Variants in CREB5 observed in about 807,000 individuals in gnomAD.
CREB5 encodes cyclic AMP-responsive element-binding protein 5.
CREB5 carries 19 observed loss-of-function variants against 57.1 expected under a neutral mutation model. The ratio of observed to expected loss-of-function variants is 0.33; its 90% CI spans 0.23 to 0.49. The LOEUF is 0.49. CREB5 is among the 20% of genes least tolerant of loss of function. The pLI is 0.99. For missense variants in CREB5, 579 were observed against 671.6 expected, an observed-to-expected ratio of 0.86 and a Z score of 1.52; for synonymous variants, 238 against 238.3, an observed-to-expected ratio of 1.00 and a Z score of 0.01.
At chr7:28,686,203 T>G (rs1317787491) in intron 5 of CREB5, 2 of 1,606,306 alleles carry the variant, frequency 1.2e-6, no homozygotes, top group South Asian at 2.2e-5. Context: ...ATGAGGTTTG[T>G]TTTTAATTTT....
chr7:28,530,137 A>G (rs1228035007), intron 4 of CREB5, among the ~76,000 whole-genome samples: 2 of 152,236 alleles, frequency 1.3e-5, no homozygotes, highest in Admixed American at 6.5e-5. Context: ...GCAGTGGTGA[A>G]TAGAACAGGA....
chr7:28,299,707 T>A (rs1785067232), intron 1 of CREB5, among the ~76,000 whole-genome samples: 1 of 152,238 alleles, frequency 6.6e-6, no homozygotes. Flanking sequence ...CCTTAGGAAG[T>A]GTTATTCACT....
At chr7:28,808,220 C>T (rs1378906716) in intron 8 of CREB5, among the ~76,000 whole-genome samples, 6 of 152,184 alleles carry the variant, frequency 3.9e-5, no homozygotes, top group Non-Finnish European at 5.9e-5. Flanking sequence ...CCCTGGTGAG[C>T]GCTCTGAGGG....
chr7:28,365,387 C>G (rs1280275265), intron 1 of CREB5, among the ~76,000 whole-genome samples: 1 of 152,170 alleles, frequency 6.6e-6, no homozygotes, highest in Non-Finnish European at 1.5e-5. Context: ...ATCCCACACC[C>G]TCACCTTTGC....
chr7:28,674,147 A>T (rs970222114), intron 5 of CREB5, among the ~76,000 whole-genome samples: 4 of 152,090 alleles, frequency 2.6e-5, no homozygotes, highest in African/African-American at 9.7e-5. Flanking sequence ...TCTTGCCTGC[A>T]AATAAGATCT....
chr7:28,557,194 A>C (rs1794913694), intron 4 of CREB5, among the ~76,000 whole-genome samples: 2 of 128,458 alleles, frequency 1.6e-5, no homozygotes, highest in African/African-American at 2.8e-5. Context: ...TCTAATTGAA[A>C]TTGTGCTTTT....
At chr7:28,623,927 A>AT (rs1241378821) in intron 5 of CREB5, among the ~76,000 whole-genome samples, 11 of 152,272 alleles carry the variant, frequency 7.2e-5, no homozygotes, top group Middle Eastern at 3.4e-3. Context: ...TGTAACAGAG[A>AT]TTTTCTCTAA....
At chr7:28,420,557 A>G (rs189972755) in intron 1 of CREB5, among the ~76,000 whole-genome samples, 46 of 152,346 alleles carry the variant, frequency 3.0e-4, no homozygotes, top group Admixed American at 1.5e-3. Context: ...CTGTAATCCC[A>G]GCACTTTGGG....
intron 7 of CREB5, among the ~76,000 whole-genome samples, chr7:28,735,312 A>G (rs1803910943): frequency 6.6e-6 from 1 of 152,180 alleles, no homozygotes; most frequent in African/African-American, 2.4e-5. Context: ...TCTAACCAAG[A>G]CTTTGATTAT....
rs146957834 is a variant in CREB5, at chr7:28,631,118, C to T, written c.464+60581C>T. Among the ~76,000 whole-genome samples the T allele has an allele frequency of 9.4e-4, 143 of 152,284 alleles. 1 individual carries two copies. In the South Asian group the frequency reaches 0.013, roughly 14 times the overall value. ...GTACGGAAACTTTTCAATACCGACC[C>T]GCTCTGAGTGTATCTTGGTCAGGGC... On this transcript the variant is annotated intron_variant, in intron 5 of 10. Transcript: ENST00000357727.
intron 1 of CREB5, among the ~76,000 whole-genome samples, chr7:28,382,082 G>T (rs1216736049): frequency 3.3e-5 from 5 of 152,298 alleles, no homozygotes; most frequent in African/African-American, 1.2e-4. Context: ...GAGCCCAGGG[G>T]CCACTGGTTG....
intron 5 of CREB5, among the ~76,000 whole-genome samples, chr7:28,587,021 T>G (rs558457636): frequency 1.3e-5 from 2 of 152,340 alleles, no homozygotes; most frequent in East Asian, 3.9e-4. Context: ...AGTCTCTTGC[T>G]ATGTGACCAA....
intron 1 of CREB5, among the ~76,000 whole-genome samples, chr7:28,377,404 A>ATATATATCTGTTTG (rs1301232142): frequency 6.6e-6 from 1 of 151,964 alleles, no homozygotes; most frequent in Admixed American, 6.6e-5. Flanking sequence ...ATTAAAATTA[A>ATATATATCTGTTTG]TTTCATCTGT....
chr7:28,479,529 G>A (rs575353579), intron 1 of CREB5, among the ~76,000 whole-genome samples: 1 of 152,286 alleles, frequency 6.6e-6, no homozygotes, highest in Non-Finnish European at 1.5e-5. Flanking sequence ...TGGCCTTTAA[G>A]TGACCTCCTA....
In CREB5 at chr7:28,774,510, TATTCTG is replaced by T. The variant is rs1434919523; in HGVS notation, c.703-29687_703-29682del. On this transcript the variant is annotated intron_variant, in intron 7 of 10. Coordinates refer to ENST00000357727, the MANE Select transcript of CREB5 (RefSeq NM_182898.4). ...CTGCATTTACAGTATGGACATTTGTTATTCTGAGACTGACTGTTGCCATATGGTATT... is the reference window on the plus strand; with the variant it reads ...CTGCATTTACAGTATGGACATTTGTTAGACTGACTGTTGCCATATGGTATT... 2.0e-5 allele frequency among the ~76,000 whole-genome samples: 3 copies of T among 152,376 alleles called. No homozygotes were observed. The East Asian group carries it at 5.8e-4, about 29-fold the overall frequency.
chr7:28,729,383 G>A lies in CREB5; in HGVS notation c.702+5051G>A, dbSNP rs532933316. ...CTTCTGTCGGCTCGTGGTTTCCTCC[G>A]CACAGCCTGGCAGACAAGAACTAGG... is the stretch of plus-strand genomic sequence containing the variant. On this transcript the variant is annotated intron_variant, in intron 7 of 10. Coordinates refer to ENST00000357727, the MANE Select transcript of CREB5 (RefSeq NM_182898.4). 2.9e-3 allele frequency among the ~76,000 whole-genome samples: 437 copies of A among 152,272 alleles called. 1 individual carries two copies. Among genetic ancestry groups the A allele is most frequent in the African/African-American group, 0.01 (423 of 41,558 alleles).
intron 4 of CREB5, among the ~76,000 whole-genome samples, chr7:28,532,165 C>A (rs1467661482): frequency 6.6e-6 from 1 of 152,152 alleles, no homozygotes; most frequent in East Asian, 1.9e-4. Flanking sequence ...CTCAAGCAGC[C>A]CTGTGGAGAG....
At chr7:28,711,047 C>T (rs943081547) in intron 5 of CREB5, among the ~76,000 whole-genome samples, 6 of 152,132 alleles carry the variant, frequency 3.9e-5, no homozygotes, top group African/African-American at 1.4e-4. Context: ...GTATACCAGG[C>T]CCAGAGCAAT....
intron 7 of CREB5, among the ~76,000 whole-genome samples, chr7:28,730,419 A>G (rs1243787061): frequency 1.3e-5 from 2 of 151,618 alleles, no homozygotes; most frequent in Non-Finnish European, 2.9e-5. Flanking sequence ...TCCTGGGTTC[A>G]AGCAATCCTC....
Sources: gnomAD v4.1 joint callset for allele counts (sites outside exome capture counted in the v4.1 genomes callset) on GRCh38, gnomAD v4.1.1 for gene constraint, MANE v1.5 for transcripts, NCBI Gene and HGNC (gene_info 2026-07-23, HGNC 2026-07-21) for gene names.